Variants in MFAP3L observed in about 807,000 individuals in gnomAD.
The protein encoded by MFAP3L is microfibril associated protein 3 like.
In MFAP3L, 5 loss-of-function variants were observed where a neutral mutation model predicts 20.0. The observed-to-expected ratio is 0.25, with a 90% CI of 0.13 to 0.53. The LOEUF (loss-of-function observed/expected upper bound fraction) is 0.53, where lower values mean the gene tolerates loss of function less well. Among genes scored for constraint, MFAP3L ranks in the 20% least tolerant of loss-of-function variants. MFAP3L has a pLI of 0.96. For missense variants in MFAP3L, 409 were observed against 527.5 expected, an observed-to-expected ratio of 0.78 and a Z score of 2.20; for synonymous variants, 219 against 213.0, an observed-to-expected ratio of 1.03 and a Z score of -0.25.
chr4:170,010,519 C>G (rs1739307677), intron 1 of MFAP3L, among the ~76,000 whole-genome samples: 1 of 152,142 alleles, frequency 6.6e-6, no homozygotes, highest in South Asian at 2.1e-4. Flanking sequence ...AGCCCCTCCC[C>G]CTCCTCCTCA....
chr4:169,997,088 G>C (rs1198809117), intron 2 of MFAP3L, among the ~76,000 whole-genome samples: 3 of 152,166 alleles, frequency 2.0e-5, no homozygotes, highest in Admixed American at 6.5e-5. Context: ...TCAAATTGTG[G>C]GGGGAGGGGC....
chr4:170,026,305 G>C lies in MFAP3L; in HGVS notation c.-205C>G. On this transcript the variant is annotated 5_prime_UTR_variant, in exon 1 of 3. Coordinates refer to ENST00000361618, the MANE Select transcript of MFAP3L (RefSeq NM_021647.8). ...TGGCCAGCCCGACAGCGGCCGCTGC[G>C]CCGCACTCTGCGCCGGACGCCCGGT... 1 of 983,436 alleles carries C rather than the reference G, an allele frequency of 1.0e-6. No homozygotes were observed. The highest frequency in any genetic ancestry group is 1.2e-6 in the Non-Finnish European group (1 of 828,980). The allele number at this position is 983,436 out of a possible 1,614,324, so 60.9% of individuals were successfully genotyped here.
At chr4:170,010,086 T>G (rs373957854) in intron 1 of MFAP3L, among the ~76,000 whole-genome samples, 58 of 152,280 alleles carry the variant, frequency 3.8e-4, no homozygotes, top group African/African-American at 1.3e-3. Context: ...GTTATACTCA[T>G]GAAGCATGGA....
chr4:170,012,873 A>G (rs189250151), intron 1 of MFAP3L, among the ~76,000 whole-genome samples: 117 of 152,368 alleles, frequency 7.7e-4, no homozygotes, highest in African/African-American at 2.7e-3. Context: ...GAGCTGTTTA[A>G]GCCCATGGAA....
upstream of MFAP3L, chr4:170,027,195 G>T (rs902421910): frequency 4.0e-5 from 6 of 149,752 alleles, no homozygotes; most frequent in African/African-American, 1.5e-4. Context: ...TGCAATGTTA[G>T]TGGCTTCTTC....
chr4:170,009,490 G>C (rs185916286), intron 1 of MFAP3L, among the ~76,000 whole-genome samples: 3 of 152,092 alleles, frequency 2.0e-5, no homozygotes, highest in Admixed American at 2.0e-4. Context: ...AGGGATTTGA[G>C]CCAGCAAAGA....
chr4:170,003,887 A>G (rs1738857786), intron 2 of MFAP3L: 1 of 978,378 alleles, frequency 1.0e-6, no homozygotes, highest in Non-Finnish European at 1.2e-6. Context: ...GGCTGTAGGA[A>G]CCAAAACCAG....
intron 2 of MFAP3L, among the ~76,000 whole-genome samples, chr4:169,996,635 AG>A (rs1276438183): frequency 6.6e-6 from 1 of 152,186 alleles, no homozygotes; most frequent in African/African-American, 2.4e-5. Context: ...GGAGCACATG[AG>A]CACAAGAGAG....
intron 2 of MFAP3L, among the ~76,000 whole-genome samples, chr4:170,000,083 A>C (rs1428515800): frequency 6.6e-6 from 1 of 152,206 alleles, no homozygotes; most frequent in South Asian, 2.1e-4. Flanking sequence ...CCACGGGGTT[A>C]GGCAAATGCA....
At chr4:170,005,214 T>A (rs1738951357) in intron 2 of MFAP3L, 1 of 281,146 alleles carries the variant, frequency 3.6e-6, no homozygotes, top group African/African-American at 2.2e-5. Context: ...AAACAATGGC[T>A]ATATTGTTTA....
At chr4:170,013,507 CA>C (rs1739512445) in intron 1 of MFAP3L, among the ~76,000 whole-genome samples, 3 of 151,628 alleles carry the variant, frequency 2.0e-5, no homozygotes, top group African/African-American at 7.3e-5. Flanking sequence ...GATGTATTTT[CA>C]TAAAGGTTTT....
Position 169,998,107 on chromosome 4 carries a change from G to A in MFAP3L, c.299-5798C>T, listed in dbSNP as rs369706265. On this transcript the variant is annotated intron_variant, in intron 2 of 2. Coordinates refer to ENST00000361618, the MANE Select transcript of MFAP3L (RefSeq NM_021647.8). ...TTCCTCTCCAGCTCACTTTCTCTGG[G>A]AGAAGCCATAACTGTGGTGGGTTCC... Among the ~76,000 whole-genome samples, 819 of 152,350 alleles carry A rather than the reference G, an allele frequency of 5.4e-3. 5 individuals carry two copies. The highest frequency in any genetic ancestry group is 0.017 in the Middle Eastern group (5 of 294).
rs1437189433 is a variant in MFAP3L at position 170,002,040 on chromosome 4, G to C, written c.298+3540C>G. On this transcript the variant is annotated intron_variant, in intron 2 of 2. Coordinates refer to ENST00000361618, the MANE Select transcript of MFAP3L (RefSeq NM_021647.8). ...AAGTGAATGGCAGTGTGCTCCTTGAGTGACTCACCGATGATTTTTGAACGC... is the reference window on the plus strand; with the variant it reads ...AAGTGAATGGCAGTGTGCTCCTTGACTGACTCACCGATGATTTTTGAACGC... The C allele has an allele frequency of 1.1e-5, 11 of 985,344 alleles. 1 individual carries two copies. In the African/African-American group the frequency reaches 1.6e-4, roughly 14 times the overall value. The allele number at this position is 985,344 out of a possible 1,614,324, so 61.0% of individuals were successfully genotyped here. A position where few individuals can be genotyped will look rare whatever the true frequency, so the allele number is the denominator to read the frequency against.
At chr4:170,015,653 A>C (rs988621685) in intron 1 of MFAP3L, among the ~76,000 whole-genome samples, 6 of 152,184 alleles carry the variant, frequency 3.9e-5, no homozygotes, top group African/African-American at 1.4e-4. Context: ...AGATGCCCTC[A>C]TCTCACTGCA....
chr4:169,996,674 C>A (rs1738192912), intron 2 of MFAP3L, among the ~76,000 whole-genome samples: 1 of 152,156 alleles, frequency 6.6e-6, no homozygotes, highest in Non-Finnish European at 1.5e-5. Flanking sequence ...GAGCTGACCA[C>A]TAGAAAACCG....
At chr4:170,006,115 CTTTTT>C in intron 1 of MFAP3L, 105 bp from the exon 2 acceptor site, 4 of 605,308 alleles carry the variant, frequency 6.6e-6, no homozygotes, top group Non-Finnish European at 6.9e-6. Context: ...CATCAACATA[CTTTTT>C]TTTTTTTTTT....
At chr4:170,022,224 G>C (rs1053887862) in intron 1 of MFAP3L, among the ~76,000 whole-genome samples, 2 of 152,148 alleles carry the variant, frequency 1.3e-5, no homozygotes, top group African/African-American at 2.4e-5. Context: ...TGAATCCAGA[G>C]ACCTGAATTA....
rs748179666 is a variant in MFAP3L at position 169,991,516 on chromosome 4, C to G, written c.1092G>C (p.Thr364=). ...PETAEPSTDV[T]STELTSEEPT... The stretch of plus-strand genomic sequence containing the variant: ...GCTCTTCAGATGTTAGCTCGGTGGA[C>G]GTGACATCGGTAGAAGGTTCTGCAG... The change falls in exon 3 of 3, where the codon ACG becomes ACC. Residue 364 remains threonine, a synonymous_variant. Coordinates refer to ENST00000361618, the MANE Select transcript of MFAP3L (RefSeq NM_021647.8). This position sits in a 1 kb window ranked among gnomAD's most constrained non-coding sequence, Gnocchi z 4.9. 6.2e-7 allele frequency: 1 copy of G among 1,613,964 alleles called. No individual in the cohort carries two copies. The highest frequency in any genetic ancestry group is 8.5e-7 in the Non-Finnish European group (1 of 1,180,022).
At chr4:170,021,040 C>T (rs1161798298) in intron 1 of MFAP3L, among the ~76,000 whole-genome samples, 8 of 151,768 alleles carry the variant, frequency 5.3e-5, no homozygotes, top group South Asian at 2.1e-4. Context: ...ATAAGTCACC[C>T]GGAAAGAACA....
Sources: allele counts gnomAD v4.1 joint callset (sites outside exome capture counted in the v4.1 genomes callset), GRCh38; gene constraint gnomAD v4.1.1; non-coding constraint Gnocchi (gnomAD v3.1); transcripts MANE v1.5; gene names NCBI Gene and HGNC (gene_info 2026-07-23, HGNC 2026-07-21).